TEK: variants seen among roughly 807,000 people sequenced by gnomAD.
TEK encodes the protein TEK receptor tyrosine kinase, also known as angiopoietin-1 receptor.
In TEK, 43 loss-of-function variants were observed where a neutral mutation model predicts 131.8. The observed-to-expected ratio is 0.33, with a 90% CI of 0.26 to 0.42. The LOEUF (loss-of-function observed/expected upper bound fraction) is 0.42. TEK is among the 10% of genes least tolerant of loss of function. The pLI, the probability that TEK is intolerant of heterozygous loss-of-function variation, is 1.00. For missense variants in TEK, 1,162 were observed against 1,384.4 expected (o/e 0.84, Z 2.55); for synonymous variants, 580 against 491.6 (o/e 1.18, Z -2.38).
intron 2 of TEK, among the ~76,000 whole-genome samples, chr9:27,166,321 A>G (rs1198472049): frequency 6.6e-6 from 1 of 152,244 alleles, no homozygotes; most frequent in East Asian, 1.9e-4. Flanking sequence ...TATTCAACAG[A>G]TCTCTAATAG....
At chr9:27,184,985 A>G (rs965946278) in intron 8 of TEK, among the ~76,000 whole-genome samples, 1 of 151,928 alleles carries the variant, frequency 6.6e-6, no homozygotes, top group Non-Finnish European at 1.5e-5. Context: ...GCAGTGAACT[A>G]TGATCACTCA....
chr9:27,219,991 C>A, intron 20 of TEK, 58 bp from the exon 21 acceptor site: 2 of 1,559,502 alleles, frequency 1.3e-6, no homozygotes, highest in Non-Finnish European at 1.8e-6. Context: ...AAACCCTGGA[C>A]AGGAAGCATT....
intron 1 of TEK, among the ~76,000 whole-genome samples, chr9:27,126,246 A>G (rs749341512): frequency 6.6e-6 from 1 of 152,172 alleles, no homozygotes; most frequent in Non-Finnish European, 1.5e-5. Context: ...CCTAACACAT[A>G]AGTTTTCTCC....
chr9:27,204,865 T>C, intron 13 of TEK, 46 bp from the exon 14 acceptor site: 1 of 1,612,002 alleles, frequency 6.2e-7, no homozygotes, highest in Non-Finnish European at 8.5e-7. Context: ...GGTCTGTTTC[T>C]CTATGTAAAC....
chr9:27,186,035 T>C (rs2038570), intron 9 of TEK, among the ~76,000 whole-genome samples: 22,765 of 152,224 alleles, frequency 0.15, 1,946 homozygotes, highest in Admixed American at 0.24. Flanking sequence ...AAGGTTAGCA[T>C]TGCCGTTGTG....
intron 1 of TEK, among the ~76,000 whole-genome samples, chr9:27,112,610 G>A (rs1367947443): frequency 6.6e-6 from 1 of 152,164 alleles, no homozygotes; most frequent in Non-Finnish European, 1.5e-5. Flanking sequence ...GGGAATTTAG[G>A]TGGGTGGGCT....
chr9:27,197,703 G>T (rs977269580), intron 12 of TEK, 104 bp downstream of exon 12: 1 of 1,467,128 alleles, frequency 6.8e-7, no homozygotes, highest in Non-Finnish European at 9.4e-7. Context: ...ATGAAAGAAA[G>T]TTAGTTGTGA....
chr9:27,218,318 ATTGCTGTGTCCTCACTGT>A (rs1248693268), intron 19 of TEK, among the ~76,000 whole-genome samples: 1 of 151,914 alleles, frequency 6.6e-6, no homozygotes, highest in Non-Finnish European at 1.5e-5. Context: ...GGGGTGGGCA[ATTGCTGTGTCCTCACTGT>A]ATGCAAGGTG....
At chr9:27,191,592 A>G (rs1356499874) in intron 10 of TEK, among the ~76,000 whole-genome samples, 1 of 45,392 alleles carries the variant, frequency 2.2e-5, no homozygotes, top group Non-Finnish European at 4.4e-5. Context: ...AAAACTATGG[A>G]AAAAAAAAAA....
At chr9:27,137,661 A>T (rs1822524737) in intron 1 of TEK, among the ~76,000 whole-genome samples, 1 of 138,328 alleles carries the variant, frequency 7.2e-6, no homozygotes, top group Non-Finnish European at 1.6e-5. Flanking sequence ...TTCCCGTATG[A>T]TTAAAGCATC....
chr9:27,164,760 T>C (rs1823667446), intron 2 of TEK, among the ~76,000 whole-genome samples: 1 of 152,166 alleles, frequency 6.6e-6, no homozygotes, highest in Non-Finnish European at 1.5e-5. Flanking sequence ...GGTCTCAAAC[T>C]CCTGGCCTTA....
chr9:27,197,730 GC>G, intron 12 of TEK, 131 bp downstream of exon 12: 6 of 1,093,302 alleles, frequency 5.5e-6, no homozygotes, highest in Non-Finnish European at 8.2e-6. Context: ...GCTAATTAGT[GC>G]CCCCCACCTA....
intron 2 of TEK, among the ~76,000 whole-genome samples, 167 bp downstream of exon 2, chr9:27,158,309 T>G (rs1823417988): frequency 1.3e-5 from 2 of 152,108 alleles, no homozygotes; most frequent in South Asian, 4.1e-4. Context: ...CATGGAATGT[T>G]AGAGATAAAG....
At chr9:27,167,798 G>A (rs1823787136) in intron 2 of TEK, among the ~76,000 whole-genome samples, 1 of 151,986 alleles carries the variant, frequency 6.6e-6, no homozygotes, top group Non-Finnish European at 1.5e-5. Context: ...AAAGGACCAG[G>A]GGAAAAGCCA....
chr9:27,131,653 A>G (rs1288722518), intron 1 of TEK, among the ~76,000 whole-genome samples: 1 of 151,614 alleles, frequency 6.6e-6, no homozygotes, highest in Non-Finnish European at 1.5e-5. Flanking sequence ...CTTAAAAAAA[A>G]AAAAAAAATT....
At chr9:27,211,036 C>T (rs758336348) in intron 16 of TEK, among the ~76,000 whole-genome samples, 41 of 151,820 alleles carry the variant, frequency 2.7e-4, no homozygotes, top group Non-Finnish European at 4.7e-4. Context: ...GCAGGAGAAT[C>T]GCTTGAACCT....
At chr9:27,172,370 A>C (rs1363927719) in intron 4 of TEK, among the ~76,000 whole-genome samples, 4 of 152,184 alleles carry the variant, frequency 2.6e-5, no homozygotes, top group Non-Finnish European at 5.9e-5. Context: ...TCCTCTGGGA[A>C]GCCTTCCTTT....
In TEK at chr9:27,161,407, A is replaced by G. The variant is rs374724974; in HGVS notation, c.364+3265A>G. 3.9e-4 allele frequency among the ~76,000 whole-genome samples: 59 copies of G among 152,386 alleles called. No individual in the cohort carries two copies. The South Asian group carries it at 6.0e-3, about 16-fold the overall frequency. ...ATTGTTTTGTTTTAAATAAGTTGGT[A>G]TATACAAGAAGCATCGATTTACACA... On this transcript the variant is annotated intron_variant, in intron 2 of 22. Coordinates refer to ENST00000380036, the MANE Select transcript of TEK (RefSeq NM_000459.5).
intron 1 of TEK, among the ~76,000 whole-genome samples, chr9:27,144,342 A>G (rs1822838286): frequency 6.6e-6 from 1 of 152,222 alleles, no homozygotes; most frequent in Non-Finnish European, 1.5e-5. Context: ...GCTATGGATG[A>G]TTCATAAAGA....
Sources: gnomAD v4.1 joint callset for allele counts (sites outside exome capture counted in the v4.1 genomes callset) on GRCh38, gnomAD v4.1.1 for gene constraint, MANE v1.5 for transcripts, NCBI Gene and HGNC (gene_info 2026-07-23, HGNC 2026-07-21) for gene names.